Variants in SEMA5B observed in about 807,000 individuals in gnomAD.
SEMA5B encodes the protein semaphorin-5B.
In SEMA5B, 66 loss-of-function variants were observed where a neutral mutation model predicts 135.0. That is an observed-to-expected ratio of 0.49 (90% CI 0.40 to 0.60). SEMA5B has a LOEUF of 0.60. SEMA5B is among the 20% of genes least tolerant of loss of function. SEMA5B has a pLI of 0.00. For missense variants in SEMA5B, 1,501 were observed against 1,566.3 expected (o/e 0.96, Z 0.70); for synonymous variants, 690 against 639.5 (o/e 1.08, Z -1.19).
chr3:123,015,729 G>A (rs2218459), intron 1 of SEMA5B, among the ~76,000 whole-genome samples: 23,633 of 152,112 alleles, frequency 0.16, 3,100 homozygotes, highest in African/African-American at 0.36. Context: ...CAAATGGGCC[G>A]TCTCATGGGC....
At chr3:122,972,853 A>G (rs1941178413) in intron 1 of SEMA5B, among the ~76,000 whole-genome samples, 1 of 152,186 alleles carries the variant, frequency 6.6e-6, no homozygotes, top group South Asian at 2.1e-4. Context: ...GCAGCTACAG[A>G]TCCAAATGCT....
intron 12 of SEMA5B, among the ~76,000 whole-genome samples, chr3:122,917,095 C>A (rs1047497500): frequency 2.0e-5 from 3 of 152,152 alleles, no homozygotes; most frequent in African/African-American, 7.2e-5. Context: ...TTGCTAAGTA[C>A]AGAGAGTATC....
At chr3:122,965,282 C>T (rs1315902283) in intron 1 of SEMA5B, among the ~76,000 whole-genome samples, 1 of 152,174 alleles carries the variant, frequency 6.6e-6, no homozygotes, top group East Asian at 1.9e-4. Context: ...TAATAAACTC[C>T]CACATTGCAC....
intron 1 of SEMA5B, among the ~76,000 whole-genome samples, chr3:122,991,252 G>C (rs1397830994): frequency 6.6e-6 from 1 of 152,178 alleles, no homozygotes; most frequent in African/African-American, 2.4e-5. Flanking sequence ...CACACACAGA[G>C]CACAAGCCTT....
chr3:123,018,169 G>A (rs901849358), intron 1 of SEMA5B, among the ~76,000 whole-genome samples: 3 of 152,206 alleles, frequency 2.0e-5, no homozygotes, highest in Non-Finnish European at 4.4e-5. Context: ...CTGTTCCCAG[G>A]GCAGGAGTCC....
At chr3:122,964,873 A>T (rs1428828792) in intron 1 of SEMA5B, among the ~76,000 whole-genome samples, 1 of 152,214 alleles carries the variant, frequency 6.6e-6, no homozygotes, top group East Asian at 1.9e-4. Flanking sequence ...CTGGTGTTTA[A>T]TTAACACTCT....
At chr3:122,932,529 G>A (rs906598402) in intron 5 of SEMA5B, among the ~76,000 whole-genome samples, 1 of 152,026 alleles carries the variant, frequency 6.6e-6, no homozygotes, top group Non-Finnish European at 1.5e-5. Context: ...AAAGGTCCAA[G>A]GAACACTATG....
intron 4 of SEMA5B, among the ~76,000 whole-genome samples, 185 bp downstream of exon 4, chr3:122,943,251 C>T (rs1233011197): frequency 6.6e-6 from 1 of 152,136 alleles, no homozygotes; most frequent in Non-Finnish European, 1.5e-5. Flanking sequence ...GAGTCACCCC[C>T]ACCCCCACCC....
chr3:122,962,000 G>A (rs936190627), intron 1 of SEMA5B, among the ~76,000 whole-genome samples: 3 of 152,104 alleles, frequency 2.0e-5, no homozygotes, highest in Admixed American at 1.3e-4. Flanking sequence ...TGCCTCTCCC[G>A]TGGACCACAG....
intron 5 of SEMA5B, among the ~76,000 whole-genome samples, chr3:122,935,978 C>A (rs1336046771): frequency 6.6e-6 from 1 of 152,158 alleles, no homozygotes. Flanking sequence ...CAGGAGTGAG[C>A]CACTGTGCCC....
intron 5 of SEMA5B, among the ~76,000 whole-genome samples, chr3:122,930,644 G>A (rs1938917667): frequency 6.6e-6 from 1 of 152,246 alleles, no homozygotes; most frequent in Non-Finnish European, 1.5e-5. Context: ...AAAGGGGTCA[G>A]CCTTGATTCC....
chr3:122,997,022 C>T (rs1314569384), intron 1 of SEMA5B, among the ~76,000 whole-genome samples: 2 of 152,170 alleles, frequency 1.3e-5, no homozygotes, highest in South Asian at 2.1e-4. Context: ...AGGGAAGCCC[C>T]GAAAAGGCTC....
intron 9 of SEMA5B, 133 bp from the exon 10 acceptor site, chr3:122,923,885 G>T: frequency 1.0e-6 from 1 of 957,718 alleles, no homozygotes; most frequent in Non-Finnish European, 1.6e-6. Flanking sequence ...GCACATGGGG[G>T]GATCTCAAAG....
chr3:122,958,888 C>T (rs946934168), intron 2 of SEMA5B, among the ~76,000 whole-genome samples: 1 of 152,172 alleles, frequency 6.6e-6, no homozygotes, highest in Non-Finnish European at 1.5e-5. Context: ...TTCCTAGAAA[C>T]CTCCAAGTCA....
In SEMA5B at chr3:122,926,379, G is replaced by A; in HGVS notation, c.1136+13C>T. The A allele has an allele frequency of 1.2e-6, 2 of 1,603,684 alleles. No individual in the cohort carries two copies. The highest frequency in any genetic ancestry group is 1.7e-6 in the Non-Finnish European group (2 of 1,172,990). ...ACATCACAGGCAAGGGGCTGGCAGA[G>A]GGCAGGACTCACACGTTGGTTGTGA... On this transcript the variant is annotated intron_variant, in intron 9 of 22. Coordinates refer to ENST00000357599, the MANE Select transcript of SEMA5B (RefSeq NM_001031702.4).
chr3:122,953,993 A>G (rs915309798), intron 2 of SEMA5B, among the ~76,000 whole-genome samples: 1 of 152,242 alleles, frequency 6.6e-6, no homozygotes. Flanking sequence ...CCCAAGGTCA[A>G]GTCAGTCTTT....
chr3:122,911,602 GCGTAA>G, intron 20 of SEMA5B, 67 bp from the exon 21 acceptor site: 1 of 1,513,896 alleles, frequency 6.6e-7, no homozygotes, highest in Non-Finnish European at 9.0e-7. Context: ...TGCAGGGTAG[GCGTAA>G]GCCTGGGAGG....
At chr3:122,993,687 G>A (rs1941944086) in intron 1 of SEMA5B, among the ~76,000 whole-genome samples, 1 of 152,014 alleles carries the variant, frequency 6.6e-6, no homozygotes. Flanking sequence ...GATGGGCGGT[G>A]AGAGACACAG....
chr3:123,019,128 TG>T (rs1451353084), intron 1 of SEMA5B, among the ~76,000 whole-genome samples: 1 of 152,128 alleles, frequency 6.6e-6, no homozygotes, highest in Non-Finnish European at 1.5e-5. Flanking sequence ...GTGAACAACT[TG>T]TTGACAACAA....
Sources: gnomAD v4.1 joint callset for allele counts (sites outside exome capture counted in the v4.1 genomes callset) on GRCh38, gnomAD v4.1.1 for gene constraint, MANE v1.5 for transcripts, NCBI Gene and HGNC (gene_info 2026-07-23, HGNC 2026-07-21) for gene names.